The following FN3KRP variants were observed in gnomAD, a reference collection of about 807,000 sequenced individuals.
FN3KRP encodes ketosamine-3-kinase.
In FN3KRP, 33 loss-of-function variants were observed where a neutral mutation model predicts 29.8. That is an observed-to-expected ratio of 1.11 (90% CI 0.84 to 1.48). FN3KRP has a LOEUF of 1.48. FN3KRP is among the 40% of genes most tolerant of loss of function. The pLI is 0.00. For synonymous variants in FN3KRP, 157 were observed against 155.2 expected, an observed-to-expected ratio of 1.01 and a Z score of -0.09; for missense variants, 430 against 402.6, an observed-to-expected ratio of 1.07 and a Z score of -0.58.
At chr17:82,725,303 A>T (rs7406448) in intron 4 of FN3KRP, among the ~76,000 whole-genome samples, 7 of 151,148 alleles carry the variant, frequency 4.6e-5, no homozygotes, top group Admixed American at 4.6e-4. Flanking sequence ...TAATTTTTTA[A>T]TTTTTTTTGT....
intron 4 of FN3KRP, among the ~76,000 whole-genome samples, chr17:82,725,219 T>C (rs919817831): frequency 4.6e-5 from 7 of 151,638 alleles, no homozygotes; most frequent in Middle Eastern, 6.9e-3. Context: ...CCTCAAACTT[T>C]CTGGGCTCAA....
intron 1 of FN3KRP, among the ~76,000 whole-genome samples, chr17:82,717,369 G>T (rs1029685278): frequency 1.8e-4 from 28 of 152,186 alleles, no homozygotes; most frequent in African/African-American, 6.8e-4. Context: ...CGAAGGTGCT[G>T]CCCCCAGGCC....
At chr17:82,722,499 G>A (rs2046805042) in intron 3 of FN3KRP, 3 of 318,866 alleles carry the variant, frequency 9.4e-6, no homozygotes, top group South Asian at 9.5e-5. Context: ...TCCCCTGAGA[G>A]GTGCCCGCAG....
intron 1 of FN3KRP, 99 bp from the exon 2 acceptor site, chr17:82,718,807 G>A: frequency 3.5e-6 from 5 of 1,427,546 alleles, no homozygotes; most frequent in African/African-American, 1.4e-5. Context: ...GATAGTCTTG[G>A]TTTGAAGTTG....
Position 82,720,432 on chromosome 17 carries a change from CG to C in FN3KRP, c.385+74del, listed in dbSNP as rs1447442010. On this transcript the variant is annotated intron_variant, in intron 3 of 5. Coordinates refer to ENST00000269373, the MANE Select transcript of FN3KRP (RefSeq NM_024619.4). ...ACGTTCAGCCGGTGTGGGCTCAGAG[CG>C]GGGGCCGTGCAGCAGCCGTGGGAGG... 8.4e-6 allele frequency: 11 copies of C among 1,304,774 alleles called. No homozygotes were observed. In the Admixed American group the frequency reaches 1.9e-4, roughly 22 times the overall value. The allele number at this position is 1,304,774 out of a possible 1,614,324, so 80.8% of individuals were successfully genotyped here.
chr17:82,718,583 T>C, intron 1 of FN3KRP: 6 of 1,089,800 alleles, frequency 5.5e-6, no homozygotes, highest in Non-Finnish European at 6.7e-6. Flanking sequence ...TAACCCATGT[T>C]CACAGTCCCA....
intron 1 of FN3KRP, chr17:82,718,338 G>A: frequency 1.1e-6 from 1 of 888,584 alleles, no homozygotes; most frequent in Non-Finnish European, 1.3e-6. Context: ...GGGACCCAAG[G>A]GAGGAGTTGC....
chr17:82,723,349 C>T (rs1467612338), intron 4 of FN3KRP, among the ~76,000 whole-genome samples: 1 of 151,704 alleles, frequency 6.6e-6, no homozygotes, highest in African/African-American at 2.4e-5. Flanking sequence ...TCCTGGCGGG[C>T]GCGGGGGCAG....
At chr17:82,721,921 G>T (rs1005708770) in intron 3 of FN3KRP, among the ~76,000 whole-genome samples, 1 of 151,922 alleles carries the variant, frequency 6.6e-6, no homozygotes, top group East Asian at 1.9e-4. Flanking sequence ...CGCAACCTCC[G>T]CCTCCTGGGT....
chr17:82,719,383 T>C (rs1243215624), intron 2 of FN3KRP, among the ~76,000 whole-genome samples: 1 of 152,254 alleles, frequency 6.6e-6, no homozygotes, highest in Non-Finnish European at 1.5e-5. Flanking sequence ...CCATGAGTTC[T>C]GCAGAATGAA....
At chr17:82,725,562 G>A (rs952722832) in intron 4 of FN3KRP, among the ~76,000 whole-genome samples, 2 of 152,028 alleles carry the variant, frequency 1.3e-5, no homozygotes, top group Non-Finnish European at 2.9e-5. Context: ...CAGTTCTCCT[G>A]CCTCAGCCTC....
At chr17:82,718,516 G>T in intron 1 of FN3KRP, 3 of 1,002,348 alleles carry the variant, frequency 3.0e-6, no homozygotes, top group Non-Finnish European at 3.6e-6. Context: ...GGGTGAGTCT[G>T]TGTCCTGTAG....
At chr17:82,718,505 C>G in intron 1 of FN3KRP, 1 of 993,944 alleles carries the variant, frequency 1.0e-6, no homozygotes, top group Non-Finnish European at 1.2e-6. Flanking sequence ...CCTGAGAGGT[C>G]GGGTGAGTCT....
At chr17:82,716,979 C>A (rs2046760299) in intron 1 of FN3KRP, 83 bp downstream of exon 1, 4 of 1,484,006 alleles carry the variant, frequency 2.7e-6, no homozygotes, top group Non-Finnish European at 3.6e-6. Flanking sequence ...GCGGCCTGGG[C>A]TTCTCCCGCC....
At chr17:82,723,488 G>A (rs2046812992) in intron 4 of FN3KRP, among the ~76,000 whole-genome samples, 1 of 150,246 alleles carries the variant, frequency 6.7e-6, no homozygotes. Context: ...TCTCGTGGCT[G>A]TACTCACAGT....
Position 82,726,990 on chromosome 17 carries a change from G to C in FN3KRP, c.749G>C (p.Gly250Ala), listed in dbSNP as rs763247815. 3 of 1,614,160 alleles carry C rather than the reference G, an allele frequency of 1.9e-6. No homozygotes were observed. The Admixed American group carries it at 5.0e-5, about 27-fold the overall frequency. The change falls in exon 6 of 6, where the codon GGC becomes GCC. Residue 250 changes from glycine to alanine, a missense_variant. Coordinates refer to ENST00000269373, the MANE Select transcript of FN3KRP (RefSeq NM_024619.4). ...TCGGAATATGAGCTGGCAATAGCTG[G>C]CATGTTTGGGGGCTTTAGCAGCTCC... ...GHSEYELAIA[G>A]MFGGFSSSFY... is the part of the protein sequence containing the mutation.
At chr17:82,720,543 G>A (rs1013268340) in intron 3 of FN3KRP, among the ~76,000 whole-genome samples, 180 bp downstream of exon 3, 1 of 152,322 alleles carries the variant, frequency 6.6e-6, no homozygotes. Flanking sequence ...ACTGTGATGC[G>A]TCTGTTGTGT....
At chr17:82,724,382 G>A (rs2046822285) in intron 4 of FN3KRP, among the ~76,000 whole-genome samples, 1 of 151,938 alleles carries the variant, frequency 6.6e-6, no homozygotes, top group African/African-American at 2.4e-5. Flanking sequence ...GAGGCGGGCA[G>A]ATCACGTGAG....
Position 82,727,525 on chromosome 17 carries a change from C to T in FN3KRP, c.*354C>T, listed in dbSNP as rs1384770196. 3.3e-5 allele frequency: 7 copies of T among 210,282 alleles called. No individual in the cohort carries two copies. Among genetic ancestry groups the T allele is most frequent in the Admixed American group, 1.5e-4 (3 of 19,426 alleles). 13.0% of individuals were successfully genotyped at this position (210,282 alleles called of 1,614,324 possible). On this transcript the variant is annotated 3_prime_UTR_variant, in exon 6 of 6. Transcript: ENST00000269373. ...CAGGGAGGTGGCCAGCGCCCCCGGG[C>T]ACTGCTGCTCATAGGTACCTTTCCA...
Sources: gnomAD v4.1 joint callset for allele counts (sites outside exome capture counted in the v4.1 genomes callset) on GRCh38, gnomAD v4.1.1 for gene constraint, MANE v1.5 for transcripts, NCBI Gene and HGNC (gene_info 2026-07-23, HGNC 2026-07-21) for gene names.